Variants in ARPP21 observed in about 807,000 individuals in gnomAD.
The protein encoded by ARPP21 is cAMP regulated phosphoprotein 21, also known as cAMP-regulated phosphoprotein 21.
Under a neutral mutation model 113.2 loss-of-function variants are expected in ARPP21, and 69 were observed. The observed-to-expected ratio is 0.61, with a 90% CI of 0.50 to 0.74. The LOEUF (loss-of-function observed/expected upper bound fraction) is 0.74. Among genes scored for constraint, ARPP21 ranks in the 30% least tolerant of loss-of-function variants. ARPP21 has a pLI of 0.00. For missense variants in ARPP21, 1,070 were observed against 1,037.4 expected, an observed-to-expected ratio of 1.03 and a Z score of -0.43; for synonymous variants, 368 against 375.5, an observed-to-expected ratio of 0.98 and a Z score of 0.23.
In ARPP21 at chr3:35,691,018, A is replaced by G. The variant is rs1239891984; in HGVS notation, c.686+13A>G. The stretch of plus-strand genomic sequence containing the variant: ...GCAGCACCAGAATGTAAGCCCCATC[A>G]CTGTACTTATTTAGCATTTTCTTTT... On this transcript the variant is annotated intron_variant, in intron 9 of 20. Coordinates refer to ENST00000684406, the MANE Select transcript of ARPP21 (RefSeq NM_001385562.1). 6.3e-7 allele frequency: 1 copy of G among 1,595,504 alleles called. No homozygotes were observed. Among genetic ancestry groups the G allele is most frequent in the South Asian group, 1.1e-5 (1 of 87,806 alleles).
At chr3:35,756,649 A>G (rs1331446126) in intron 19 of ARPP21, among the ~76,000 whole-genome samples, 1 of 152,026 alleles carries the variant, frequency 6.6e-6, no homozygotes, top group African/African-American at 2.4e-5. Context: ...ACTGTTTTTT[A>G]CAGGTACCTA....
At chr3:35,772,169 C>G (rs1281415537) in intron 19 of ARPP21, among the ~76,000 whole-genome samples, 1 of 152,068 alleles carries the variant, frequency 6.6e-6, no homozygotes, top group South Asian at 2.1e-4. Context: ...TAATTTGAAG[C>G]ATTTGTGGGC....
At chr3:35,647,704 T>A (rs1700768346) in intron 1 of ARPP21, among the ~76,000 whole-genome samples, 1 of 152,188 alleles carries the variant, frequency 6.6e-6, no homozygotes, top group Non-Finnish European at 1.5e-5. Context: ...TTTCTGGGTC[T>A]GAGTAAATAG....
At chr3:35,685,139 C>A in intron 5 of ARPP21, 1 of 985,372 alleles carries the variant, frequency 1.0e-6, no homozygotes, top group Non-Finnish European at 1.2e-6. Flanking sequence ...AGAAGGACAG[C>A]CTTTATAGAC....
intron 17 of ARPP21, 84 bp downstream of exon 17, chr3:35,738,402 C>A: frequency 8.5e-7 from 1 of 1,175,120 alleles, no homozygotes; most frequent in Non-Finnish European, 1.2e-6. Context: ...CACTGGCTGA[C>A]ACTGGGGTGG....
At chr3:35,767,167 T>C (rs1031636448) in intron 19 of ARPP21, among the ~76,000 whole-genome samples, 3 of 152,142 alleles carry the variant, frequency 2.0e-5, no homozygotes, top group Non-Finnish European at 2.9e-5. Context: ...CAGACAGTCA[T>C]TTCAATAAAT....
intron 2 of ARPP21, chr3:35,680,819 C>A (rs1356881140): frequency 2.0e-5 from 3 of 150,804 alleles, no homozygotes; most frequent in Non-Finnish European, 4.4e-5. Context: ...TTCTATTTTT[C>A]TCACAGCTTA....
chr3:35,690,188 G>A (rs2081829760), intron 8 of ARPP21, 48 bp downstream of exon 8: 2 of 883,916 alleles, frequency 2.3e-6, no homozygotes, highest in African/African-American at 1.6e-5. Context: ...ATCCTAGTTT[G>A]GTATTGGAGT....
intron 1 of ARPP21, among the ~76,000 whole-genome samples, chr3:35,679,321 A>C (rs188375918): frequency 6.6e-6 from 1 of 151,964 alleles, no homozygotes; most frequent in African/African-American, 2.4e-5. Flanking sequence ...CTTTCTGTAC[A>C]CTTTATTCAG....
chr3:35,704,149 A>G (rs1282191550), intron 9 of ARPP21, among the ~76,000 whole-genome samples: 2 of 151,884 alleles, frequency 1.3e-5, no homozygotes, highest in African/African-American at 4.8e-5. Context: ...GAAAAATACA[A>G]AAGGATTAAT....
At chr3:35,715,750 C>T in intron 12 of ARPP21, 1 of 246,436 alleles carries the variant, frequency 4.1e-6, no homozygotes, top group Non-Finnish European at 7.9e-6. Context: ...GGTATACTTC[C>T]TATTACCTTC....
intron 9 of ARPP21, among the ~76,000 whole-genome samples, chr3:35,697,402 G>A (rs939596823): frequency 2.6e-5 from 4 of 151,606 alleles, no homozygotes; most frequent in African/African-American, 9.7e-5. Flanking sequence ...ATTTTGCCTG[G>A]AGTGATGAAT....
At chr3:35,643,845 C>T (rs1699131377) in intron 1 of ARPP21, 1 of 152,040 alleles carries the variant, frequency 6.6e-6, no homozygotes, top group African/African-American at 2.4e-5. Flanking sequence ...ATCATTCTAA[C>T]TGGTATCACA....
intron 9 of ARPP21, among the ~76,000 whole-genome samples, chr3:35,695,581 G>T (rs2083674574): frequency 6.6e-6 from 1 of 151,632 alleles, no homozygotes; most frequent in South Asian, 2.1e-4. Context: ...TGAAGGAACA[G>T]TATACCAAAC....
At chr3:35,749,240 G>A (rs930557646) in intron 19 of ARPP21, among the ~76,000 whole-genome samples, 1 of 151,924 alleles carries the variant, frequency 6.6e-6, no homozygotes, top group African/African-American at 2.4e-5. Flanking sequence ...TTGTAGAGAT[G>A]ATCAATAACA....
chr3:35,764,406 G>C (rs532168641), intron 19 of ARPP21, among the ~76,000 whole-genome samples: 9 of 152,298 alleles, frequency 5.9e-5, no homozygotes, highest in African/African-American at 2.2e-4. Flanking sequence ...ACTACATAAA[G>C]TGTGTGGCAA....
intron 10 of ARPP21, among the ~76,000 whole-genome samples, chr3:35,708,606 T>A (rs900631748): frequency 6.6e-6 from 1 of 152,248 alleles, no homozygotes; most frequent in Admixed American, 6.5e-5. Context: ...TTCTGCCTCC[T>A]TCTGAGGAGT....
At chr3:35,722,884 C>T (rs2093227655) in intron 14 of ARPP21, among the ~76,000 whole-genome samples, 1 of 152,144 alleles carries the variant, frequency 6.6e-6, no homozygotes, top group African/African-American at 2.4e-5. Flanking sequence ...ATTAAAATAC[C>T]TCCTAAAATC....
rs184478702 is a variant in ARPP21, at chr3:35,695,238, A to C, written c.686+4233A>C. Among the ~76,000 whole-genome samples, 131 of 151,660 alleles carry C rather than the reference A, an allele frequency of 8.6e-4. 1 individual carries two copies. Among genetic ancestry groups the C allele is most frequent in the Admixed American group, 8.5e-3 (129 of 15,158 alleles). On this transcript the variant is annotated intron_variant, in intron 9 of 20. Transcript: ENST00000684406. Reference sequence around the variant, plus strand: ...AGTTGAAGTAAAGTCAACTGTCTAGAGATTTTACATTAATACATTCCAGGT... The same window carrying C: ...AGTTGAAGTAAAGTCAACTGTCTAGCGATTTTACATTAATACATTCCAGGT...
Sources: allele counts gnomAD v4.1 joint callset (sites outside exome capture counted in the v4.1 genomes callset), GRCh38; gene constraint gnomAD v4.1.1; transcripts MANE v1.5; gene names NCBI Gene and HGNC (gene_info 2026-07-23, HGNC 2026-07-21).